The following AOPEP variants were observed in gnomAD, a reference collection of about 807,000 sequenced individuals.
The protein encoded by AOPEP is aminopeptidase O.
A neutral mutation model predicts 98.1 loss-of-function variants in AOPEP; 77 were observed. The ratio of observed to expected loss-of-function variants is 0.78; its 90% confidence interval spans 0.65 to 0.95. The LOEUF is 0.95. Among genes scored for constraint, AOPEP ranks in the 40% least tolerant of loss-of-function variants. The pLI is 0.00. For missense variants in AOPEP, 1,024 were observed against 1,024.7 expected, an observed-to-expected ratio of 1.00 and a Z score of 0.01; for synonymous variants, 346 against 365.3, an observed-to-expected ratio of 0.95 and a Z score of 0.60.
the AOPEP span, chr9:95,126,887 T>A: frequency 2.7e-6 from 1 of 366,706 alleles, no homozygotes; most frequent in Middle Eastern, 8.5e-4. Context: ...ACTTTAAACA[T>A]CCCTCTGCCC....
In AOPEP at chr9:94,793,103, C is replaced by T. The variant is rs532922885; in HGVS notation, c.1118+185C>T. ...AGAGAGGGCTAGGCGCAGTGGCTCA[C>T]GCCTGTAATCCCAACACTTTGGGAG... On this transcript the variant is annotated intron_variant, in intron 4 of 16. Transcript: ENST00000375315. Among the ~76,000 whole-genome samples the T allele has an allele frequency of 1.1e-4, 16 of 152,134 alleles. 1 individual carries two copies. Among genetic ancestry groups the T allele is most frequent in the Admixed American group, 7.9e-4 (12 of 15,278 alleles).
chr9:95,044,131 A>G (rs2065611655), intron 13 of AOPEP, among the ~76,000 whole-genome samples: 1 of 152,254 alleles, frequency 6.6e-6, no homozygotes, highest in South Asian at 2.1e-4. Flanking sequence ...TAAGCTGTCA[A>G]CAGCTTCCTA....
Position 94,931,566 on chromosome 9 carries a change from T to C in AOPEP, c.1661+3035T>C, listed in dbSNP as rs1381798600. On this transcript the variant is annotated intron_variant, in intron 7 of 16. Transcript: ENST00000375315. ...AAGGAAGAACCAGACTTGTAAAAAT[T>C]TGTTCTCAGATTTTGTTTTCAATGA... is the stretch of plus-strand genomic sequence containing the variant. 3 of 602,034 alleles carry C rather than the reference T, an allele frequency of 5.0e-6. No individual in the cohort carries two copies. The African/African-American group carries it at 5.6e-5, about 11-fold the overall frequency. The allele number at this position is 602,034 out of a possible 1,614,324, so 37.3% of individuals were successfully genotyped here. A position where few individuals can be genotyped will look rare whatever the true frequency, so the allele number is the denominator to read the frequency against.
intron 1 of AOPEP, among the ~76,000 whole-genome samples, chr9:94,731,250 C>T (rs532421762): frequency 6.8e-4 from 101 of 149,408 alleles, no homozygotes; most frequent in African/African-American, 2.4e-3. Flanking sequence ...TTTTTTGAGA[C>T]GGAGTCTCGC....
chr9:94,937,606 C>A lies in AOPEP; in HGVS notation c.1661+9075C>A, dbSNP rs527316996. Among the ~76,000 whole-genome samples, 27 of 152,306 alleles carry A rather than the reference C, an allele frequency of 1.8e-4. No homozygotes were observed. The South Asian group carries it at 4.6e-3, about 26-fold the overall frequency. ...CTGCCTGCTCTTTCTTACCTCCATG[C>A]CTTTTAAAGATGTTGTCTCTATTTA... On this transcript the variant is annotated intron_variant, in intron 7 of 16. Coordinates refer to ENST00000375315, the MANE Select transcript of AOPEP (RefSeq NM_001193329.3).
At chr9:94,809,085 A>G (rs1849909016) in intron 5 of AOPEP, among the ~76,000 whole-genome samples, 2 of 152,228 alleles carry the variant, frequency 1.3e-5, no homozygotes, top group Admixed American at 6.5e-5. Context: ...ATGAATGCTG[A>G]TGATGCTGTG....
At chr9:94,743,188 GA>G (rs1564051622) in intron 1 of AOPEP, among the ~76,000 whole-genome samples, 12 of 121,626 alleles carry the variant, frequency 9.9e-5, no homozygotes, top group South Asian at 5.4e-4. Context: ...AGAAGAAGAA[GA>G]AGAAGAAGAA....
the AOPEP span, chr9:95,110,300 G>A: frequency 9.9e-7 from 1 of 1,013,980 alleles, no homozygotes. Flanking sequence ...GACTGTGATG[G>A]AATTGAACAC....
chr9:94,968,985 A>G (rs1021024835), intron 10 of AOPEP, among the ~76,000 whole-genome samples: 1 of 152,172 alleles, frequency 6.6e-6, no homozygotes, highest in African/African-American at 2.4e-5. Flanking sequence ...TTATCCCGAT[A>G]ATACCAACAA....
intron 13 of AOPEP, among the ~76,000 whole-genome samples, chr9:95,044,660 T>C (rs771678183): frequency 5.9e-4 from 89 of 152,036 alleles, no homozygotes; most frequent in Admixed American, 1.7e-3. Context: ...GCAGAAAGGT[T>C]TGTTGAAGGG....
In AOPEP at chr9:95,073,620, G is replaced by A. The variant is rs71498689; in HGVS notation, c.2233-7074G>A. The stretch of plus-strand genomic sequence containing the variant: ...ACCTGTAATGCCACCACTTTGGGAG[G>A]CTGAGGTGGGTGGACCATTTGAGGT... On this transcript the variant is annotated intron_variant, in intron 14 of 16. Transcript: ENST00000375315. Among the ~76,000 whole-genome samples, 420 of 152,292 alleles carry A rather than the reference G, an allele frequency of 2.8e-3. 1 individual carries two copies. The highest frequency in any genetic ancestry group is 4.6e-3 in the Non-Finnish European group (315 of 68,028).
At chr9:94,928,325 G>C (rs953357258) in intron 6 of AOPEP, 100 bp from the exon 7 acceptor site, 71 of 811,090 alleles carry the variant, frequency 8.8e-5, no homozygotes, top group Non-Finnish European at 1.3e-4. Flanking sequence ...GCAGGGGCAG[G>C]CTATCTTGTC....
chr9:94,937,423 T>C lies in AOPEP; in HGVS notation c.1661+8892T>C, dbSNP rs550306778. Among the ~76,000 whole-genome samples, 45 of 152,320 alleles carry C rather than the reference T, an allele frequency of 3.0e-4. 2 individuals are homozygous for C. In the South Asian group the frequency reaches 8.3e-3, roughly 28 times the overall value. ...CTCTTCCTAAAGGACACTAGTCACA[T>C]TGGAATAGGCCCACCCTGACAGCCT... is the stretch of plus-strand genomic sequence containing the variant. On this transcript the variant is annotated intron_variant, in intron 7 of 16. Transcript: ENST00000375315.
At chr9:94,742,575 C>T (rs1471169199) in intron 1 of AOPEP, among the ~76,000 whole-genome samples, 7 of 152,018 alleles carry the variant, frequency 4.6e-5, no homozygotes, top group Non-Finnish European at 7.4e-5. Flanking sequence ...GCTGGGACTA[C>T]AGGCACGCGC....
intron 13 of AOPEP, among the ~76,000 whole-genome samples, chr9:95,037,786 A>G (rs1301166431): frequency 1.3e-5 from 2 of 152,212 alleles, no homozygotes; most frequent in African/African-American, 4.8e-5. Flanking sequence ...CGGCAACAGT[A>G]GAAGGGGCTT....
intron 13 of AOPEP, among the ~76,000 whole-genome samples, chr9:95,009,984 G>C (rs1255901301): frequency 2.0e-5 from 3 of 151,428 alleles, no homozygotes. Context: ...CTAAATTCTA[G>C]AGTATTTTCA....
intron 14 of AOPEP, among the ~76,000 whole-genome samples, chr9:95,077,121 C>T (rs926119267): frequency 7.9e-5 from 12 of 152,190 alleles, no homozygotes; most frequent in African/African-American, 2.2e-4. Context: ...CCCCTGCAGA[C>T]GGCCCTCTGT....
In AOPEP at chr9:94,931,902, T is replaced by A. The variant is rs1303293000; in HGVS notation, c.1661+3371T>A. The A allele has an allele frequency of 3.3e-6, 4 of 1,207,870 alleles. No homozygotes were observed. The East Asian group carries it at 1.0e-4, about 31-fold the overall frequency. The allele number at this position is 1,207,870 out of a possible 1,614,324, so 74.8% of individuals were successfully genotyped here. On this transcript the variant is annotated intron_variant, in intron 7 of 16. Coordinates refer to ENST00000375315, the MANE Select transcript of AOPEP (RefSeq NM_001193329.3). ...GCCAGTCCTTCCTCACCTCTCTTGCTGGCAGGTTAACAGTCTCCACTTCAA... is the reference window on the plus strand; with the variant it reads ...GCCAGTCCTTCCTCACCTCTCTTGCAGGCAGGTTAACAGTCTCCACTTCAA...
At chr9:95,076,257 A>G (rs1229717901) in intron 14 of AOPEP, among the ~76,000 whole-genome samples, 2 of 152,222 alleles carry the variant, frequency 1.3e-5, no homozygotes, top group Admixed American at 1.3e-4. Context: ...AGGAGTGTAC[A>G]TTGCTACACC....
Sources: allele counts gnomAD v4.1 joint callset (sites outside exome capture counted in the v4.1 genomes callset), GRCh38; gene constraint gnomAD v4.1.1; transcripts MANE v1.5; gene names NCBI Gene and HGNC (gene_info 2026-07-23, HGNC 2026-07-21).